Variants in TMTC1 observed in about 807,000 individuals in gnomAD.
TMTC1 encodes the protein transmembrane O-mannosyltransferase targeting cadherins 1, also known as protein O-mannosyl-transferase TMTC1.
A neutral mutation model predicts 104.8 loss-of-function variants in TMTC1; 73 were observed. That is an observed-to-expected ratio of 0.70 (90% CI 0.58 to 0.85). The LOEUF is 0.85. Ranked by LOEUF, TMTC1 falls within the 40% of genes least tolerant of loss-of-function variation. The probability of loss-of-function intolerance (pLI) is 0.00; values close to 1 mark genes in which losing one functional copy is unlikely to be tolerated. For synonymous variants in TMTC1, 434 were observed against 428.7 expected (o/e 1.01, Z -0.15); for missense variants, 1,035 against 1,096.1 (o/e 0.94, Z 0.79).
intron 5 of TMTC1, among the ~76,000 whole-genome samples, chr12:29,702,612 C>A (rs1445636265): frequency 6.6e-6 from 1 of 152,148 alleles, no homozygotes; most frequent in East Asian, 1.9e-4. Flanking sequence ...CGCTTTTCCA[C>A]AAAAGTGCAT....
chr12:29,579,617 T>C (rs1437688503), intron 8 of TMTC1, among the ~76,000 whole-genome samples: 3 of 152,230 alleles, frequency 2.0e-5, no homozygotes, highest in Non-Finnish European at 2.9e-5. Context: ...TGTCCCTTTC[T>C]AGGTATTTTG....
At position 29,511,122 on chromosome 12, in the gene TMTC1, T is replaced by C. The variant is rs187097535; in HGVS notation, c.2508+921A>G. ...CCTGAATTTAAAACTTTAGCCCTTA[T>C]TGCCTGGCATTCCAATCTTCTTTCT... On this transcript the variant is annotated intron_variant, in intron 17 of 17. Coordinates refer to ENST00000539277, the MANE Select transcript of TMTC1 (RefSeq NM_001193451.2). Among the ~76,000 whole-genome samples, 268 of 152,326 alleles carry C rather than the reference T, an allele frequency of 1.8e-3. 3 individuals carry two copies. Among genetic ancestry groups the C allele is most frequent in the Middle Eastern group, 0.014 (4 of 294 alleles).
intron 3 of TMTC1, among the ~76,000 whole-genome samples, chr12:29,756,642 T>A (rs1463291471): frequency 2.0e-5 from 3 of 152,192 alleles, no homozygotes; most frequent in Non-Finnish European, 4.4e-5. Context: ...CCGGTGCTGT[T>A]AAGCTTTTGT....
chr12:29,668,454 CTTTTTTTTTT>C (rs66652706), intron 5 of TMTC1, among the ~76,000 whole-genome samples: 1 of 90,090 alleles, frequency 1.1e-5, no homozygotes, highest in Admixed American at 1.4e-4. Flanking sequence ...ACCAACTTAT[CTTTTTTTTTT>C]TTTTTTTTTT....
chr12:29,585,324 C>T (rs1471368969), intron 7 of TMTC1, among the ~76,000 whole-genome samples: 8 of 150,932 alleles, frequency 5.3e-5, no homozygotes, highest in South Asian at 4.2e-4. Context: ...GAGTTCATTG[C>T]AGATTCTGGA....
At chr12:29,510,259 T>C (rs923251760) in intron 17 of TMTC1, among the ~76,000 whole-genome samples, 1 of 152,196 alleles carries the variant, frequency 6.6e-6, no homozygotes, top group Non-Finnish European at 1.5e-5. Flanking sequence ...GGTATTTGTG[T>C]ATCTAGACAT....
intron 6 of TMTC1, among the ~76,000 whole-genome samples, chr12:29,616,860 C>T (rs1324615322): frequency 6.6e-6 from 1 of 151,942 alleles, no homozygotes; most frequent in African/African-American, 2.4e-5. Flanking sequence ...ATCGTTAAAC[C>T]ATATCAGTGT....
At chr12:29,724,642 T>C (rs185739939) in intron 5 of TMTC1, among the ~76,000 whole-genome samples, 74 of 152,308 alleles carry the variant, frequency 4.9e-4, no homozygotes, top group East Asian at 2.5e-3. Flanking sequence ...TAGTGTTGCA[T>C]GAAAATAGCA....
intron 5 of TMTC1, among the ~76,000 whole-genome samples, chr12:29,722,252 A>C (rs1182065367): frequency 6.6e-6 from 1 of 152,194 alleles, no homozygotes; most frequent in Non-Finnish European, 1.5e-5. Flanking sequence ...CAGAAAATAC[A>C]TGAAACTTTT....
chr12:29,553,011 T>C (rs1293539933), intron 10 of TMTC1, among the ~76,000 whole-genome samples: 1 of 152,262 alleles, frequency 6.6e-6, no homozygotes, highest in Non-Finnish European at 1.5e-5. Flanking sequence ...CATCTCTCTC[T>C]GTTACTTAGC....
intron 11 of TMTC1, among the ~76,000 whole-genome samples, chr12:29,523,698 AT>A (rs1260188410): frequency 6.6e-6 from 1 of 152,078 alleles, no homozygotes; most frequent in Non-Finnish European, 1.5e-5. Flanking sequence ...GCTTTGTAAG[AT>A]GGTTTTTTTA....
At chr12:29,630,595 G>A (rs1938247449) in intron 6 of TMTC1, among the ~76,000 whole-genome samples, 1 of 152,164 alleles carries the variant, frequency 6.6e-6, no homozygotes, top group Non-Finnish European at 1.5e-5. Context: ...ATCCATGTCT[G>A]TCCACATTGT....
intron 5 of TMTC1, among the ~76,000 whole-genome samples, chr12:29,686,237 C>T (rs1245782430): frequency 6.6e-6 from 1 of 152,194 alleles, no homozygotes; most frequent in Non-Finnish European, 1.5e-5. Context: ...TTCTGCAGCT[C>T]TTCTGTGGCT....
chr12:29,749,968 A>G (rs889549065), intron 5 of TMTC1, among the ~76,000 whole-genome samples: 1 of 150,884 alleles, frequency 6.6e-6, no homozygotes, highest in African/African-American at 2.4e-5. Flanking sequence ...AAGCCTCCTA[A>G]CCCTTTTCCC....
At chr12:29,704,877 T>C (rs1941696608) in intron 5 of TMTC1, among the ~76,000 whole-genome samples, 1 of 152,202 alleles carries the variant, frequency 6.6e-6, no homozygotes, top group Non-Finnish European at 1.5e-5. Context: ...CTCTCACTTT[T>C]AGAGACATCT....
At chr12:29,565,761 CT>C (rs1389912776) in intron 9 of TMTC1, among the ~76,000 whole-genome samples, 1 of 152,200 alleles carries the variant, frequency 6.6e-6, no homozygotes, top group Non-Finnish European at 1.5e-5. Flanking sequence ...GCAAGAGAAT[CT>C]CTTGTACCCA....
At chr12:29,629,518 T>C (rs181100959) in intron 6 of TMTC1, among the ~76,000 whole-genome samples, 6 of 152,210 alleles carry the variant, frequency 3.9e-5, no homozygotes, top group African/African-American at 1.2e-4. Flanking sequence ...GTGTCACAGG[T>C]GTGTCCTTCA....
intron 11 of TMTC1, chr12:29,521,184 C>G (rs1012525391): frequency 1.2e-5 from 2 of 168,820 alleles, no homozygotes; most frequent in Admixed American, 6.0e-5. Flanking sequence ...GGATAGATGA[C>G]TCTCTTTTTA....
intron 10 of TMTC1, among the ~76,000 whole-genome samples, chr12:29,551,824 A>C (rs1388683130): frequency 1.3e-5 from 2 of 151,442 alleles, no homozygotes; most frequent in African/African-American, 4.8e-5. Context: ...ATTCTAACCA[A>C]AGCCAACAAG....
Sources: allele counts gnomAD v4.1 joint callset (sites outside exome capture counted in the v4.1 genomes callset), GRCh38; gene constraint gnomAD v4.1.1; transcripts MANE v1.5; gene names NCBI Gene and HGNC (gene_info 2026-07-23, HGNC 2026-07-21).